Variants in SLC25A26 observed in about 807,000 individuals in gnomAD.
SLC25A26 encodes mitochondrial S-adenosylmethionine carrier protein.
SLC25A26 carries 36 observed loss-of-function variants against 37.8 expected under a neutral mutation model. The observed-to-expected ratio is 0.95, with a 90% CI of 0.73 to 1.26. The LOEUF (loss-of-function observed/expected upper bound fraction) is 1.26. SLC25A26 is among the 50% of genes most tolerant of loss of function. The pLI, the probability that SLC25A26 is intolerant of heterozygous loss-of-function variation, is 0.00. For missense variants in SLC25A26, 390 were observed against 331.1 expected (o/e 1.18, Z -1.38); for synonymous variants, 129 against 122.5 (o/e 1.05, Z -0.35).
intron 1 of SLC25A26, among the ~76,000 whole-genome samples, chr3:66,225,345 G>A (rs1004781647): frequency 2.6e-5 from 4 of 152,202 alleles, no homozygotes; most frequent in African/African-American, 7.2e-5. Flanking sequence ...TGTGGAAGCT[G>A]CCAAGGCTTG....
intron 1 of SLC25A26, among the ~76,000 whole-genome samples, chr3:66,162,434 G>GA (rs1272464067): frequency 6.6e-6 from 1 of 150,418 alleles, no homozygotes; most frequent in Non-Finnish European, 1.5e-5. Context: ...CTGGGGCATC[G>GA]AAAAAAAGCA....
At chr3:66,368,423 G>T (rs1348436393) in intron 7 of SLC25A26, among the ~76,000 whole-genome samples, 1 of 152,150 alleles carries the variant, frequency 6.6e-6, no homozygotes, top group Non-Finnish European at 1.5e-5. Context: ...TCTGTGTACA[G>T]TTCAGCCATC....
chr3:66,264,718 C>T (rs2073676100), intron 5 of SLC25A26, among the ~76,000 whole-genome samples: 1 of 152,212 alleles, frequency 6.6e-6, no homozygotes, highest in African/African-American at 2.4e-5. Flanking sequence ...AAACCTGTCC[C>T]TGGTGCCAAA....
intron 6 of SLC25A26, among the ~76,000 whole-genome samples, chr3:66,349,479 C>CT (rs67964339): frequency 0.34 from 50,893 of 148,896 alleles, 9,494 homozygotes; most frequent in East Asian, 0.69. Flanking sequence ...TTGTGCTTTG[C>CT]TTTTTTTTTT....
intron 9 of SLC25A26, among the ~76,000 whole-genome samples, chr3:66,373,909 G>A (rs930339737): frequency 3.9e-5 from 6 of 152,072 alleles, no homozygotes; most frequent in Admixed American, 3.3e-4. Context: ...CAGCTCAAAG[G>A]TGTTGGGAGA....
chr3:66,249,570 A>G (rs2072998586), intron 3 of SLC25A26, among the ~76,000 whole-genome samples: 1 of 152,214 alleles, frequency 6.6e-6, no homozygotes, highest in African/African-American at 2.4e-5. Context: ...GCCTTTTCTA[A>G]GAAGAACCAC....
intron 5 of SLC25A26, among the ~76,000 whole-genome samples, chr3:66,275,098 G>A (rs1243152855): frequency 6.6e-6 from 1 of 152,056 alleles, no homozygotes; most frequent in African/African-American, 2.4e-5. Flanking sequence ...AATGTCCTTT[G>A]TAGGGACATG....
Position 66,377,682 on chromosome 3 carries a change from TCCCCTAGA to T in SLC25A26, c.708-7_708del. 1 of 1,607,706 alleles carries T rather than the reference TCCCCTAGA, an allele frequency of 6.2e-7. No homozygotes were observed. Among genetic ancestry groups the T allele is most frequent in the Non-Finnish European group, 8.5e-7 (1 of 1,174,516 alleles). On this transcript the variant is annotated splice_acceptor_variant and splice_polypyrimidine_tract_variant and coding_sequence_variant and intron_variant, in exon 10 of 10. Transcript: ENST00000354883. LOFTEE classifies it high-confidence loss of function. ...GCACAACATTAAAAATCCTGTTTTTTCCCCTAGATTATTTGCAGGTGTCTTCCCTCGAA... is the reference window on the plus strand; with the variant it reads ...GCACAACATTAAAAATCCTGTTTTTTTTATTTGCAGGTGTCTTCCCTCGAA...
intron 5 of SLC25A26, among the ~76,000 whole-genome samples, chr3:66,307,760 C>G (rs1015239950): frequency 6.6e-6 from 1 of 152,154 alleles, no homozygotes; most frequent in Non-Finnish European, 1.5e-5. Flanking sequence ...ATAGGGAATC[C>G]TTTCCCCACT....
chr3:66,153,958 G>A (rs1265950842), intron 1 of SLC25A26, among the ~76,000 whole-genome samples: 1 of 152,214 alleles, frequency 6.6e-6, no homozygotes, highest in Non-Finnish European at 1.5e-5. Context: ...AATGTGAGAT[G>A]ATAGGGGAGG....
At chr3:66,226,879 G>GA (rs2071779313) in intron 1 of SLC25A26, among the ~76,000 whole-genome samples, 1 of 260 alleles carries the variant, frequency 3.8e-3, no homozygotes, top group South Asian at 0.25. Flanking sequence ...CGCTTTGGTT[G>GA]TAATATATAG....
intron 1 of SLC25A26, among the ~76,000 whole-genome samples, chr3:66,185,694 C>T (rs899075685): frequency 3.3e-5 from 5 of 152,044 alleles, no homozygotes; most frequent in African/African-American, 1.2e-4. Flanking sequence ...TTTACCATGT[C>T]CTTACACTGT....
chr3:66,147,510 T>A (rs1200324245), intron 1 of SLC25A26, among the ~76,000 whole-genome samples: 1 of 151,968 alleles, frequency 6.6e-6, no homozygotes, highest in Non-Finnish European at 1.5e-5. Context: ...CAGGTTGGTT[T>A]TATATCTTTG....
chr3:66,287,925 A>G (rs1366644324), intron 5 of SLC25A26, among the ~76,000 whole-genome samples: 1 of 152,190 alleles, frequency 6.6e-6, no homozygotes, highest in African/African-American at 2.4e-5. Context: ...GTACACTATC[A>G]CTCAAACGTT....
chr3:66,195,686 T>G (rs1320117395), intron 1 of SLC25A26, among the ~76,000 whole-genome samples: 58 of 152,168 alleles, frequency 3.8e-4, no homozygotes, highest in Non-Finnish European at 4.4e-5. Flanking sequence ...TGTATTACAG[T>G]AGGTGCCGGC....
At chr3:66,275,053 A>G (rs1349083292) in intron 5 of SLC25A26, among the ~76,000 whole-genome samples, 1 of 152,220 alleles carries the variant, frequency 6.6e-6, no homozygotes, top group Admixed American at 6.5e-5. Flanking sequence ...CATATACACC[A>G]TGGAATACTA....
chr3:66,275,721 TATC>T (rs921360832), intron 5 of SLC25A26, among the ~76,000 whole-genome samples: 6 of 152,102 alleles, frequency 3.9e-5, no homozygotes, highest in Non-Finnish European at 7.4e-5. Flanking sequence ...TTAATTTTCT[TATC>T]ATATTTACTG....
At chr3:66,227,402 G>C (rs139005495) in intron 1 of SLC25A26, among the ~76,000 whole-genome samples, 5,271 of 151,944 alleles carry the variant, frequency 0.035, 145 homozygotes, top group East Asian at 0.093. Flanking sequence ...ATAAAATGTC[G>C]TGTGCATTTA....
intron 5 of SLC25A26, among the ~76,000 whole-genome samples, chr3:66,289,555 C>T (rs1262246396): frequency 6.6e-6 from 1 of 152,158 alleles, no homozygotes; most frequent in East Asian, 1.9e-4. Context: ...AGCCAGTTTT[C>T]CCAACACCAT....
Sources: allele counts gnomAD v4.1 joint callset (sites outside exome capture counted in the v4.1 genomes callset), GRCh38; gene constraint gnomAD v4.1.1; transcripts MANE v1.5; gene names NCBI Gene and HGNC (gene_info 2026-07-23, HGNC 2026-07-21).